Variants in STAC observed in about 807,000 individuals in gnomAD.
STAC encodes the protein SH3 and cysteine-rich domain-containing protein.
In STAC, 43 loss-of-function variants were observed where a neutral mutation model predicts 48.8. That is an observed-to-expected ratio of 0.88 (90% CI 0.69 to 1.14). The LOEUF (loss-of-function observed/expected upper bound fraction) is 1.14, where lower values mean the gene tolerates loss of function less well. STAC is among the 50% of genes most tolerant of loss of function. The pLI, the probability that STAC is intolerant of heterozygous loss-of-function variation, is 0.00. For missense variants in STAC, 497 were observed against 504.0 expected (o/e 0.99, Z 0.13); for synonymous variants, 193 against 179.5 (o/e 1.07, Z -0.60).
chr3:36,418,652 A>ATATATTTTTTTTTTTTTTTTTTTTTTTTT (rs1205909029), intron 1 of STAC, among the ~76,000 whole-genome samples: 1 of 149,402 alleles, frequency 6.7e-6, no homozygotes, highest in Non-Finnish European at 1.5e-5. Context: ...TTGTTCATAT[A>ATATATTTTTTTTTTTTTTTTTTTTTTTTT]TTTTATACTT....
At position 36,493,966 on chromosome 3, in the gene STAC, C is replaced by T. The variant is rs1312010515; in HGVS notation, c.766+737C>T. On this transcript the variant is annotated intron_variant, in intron 6 of 10. Transcript: ENST00000273183. ...GAGATCGAGACCATCCTGGCTAACA[C>T]GGTGAAACCCCGTCTCTACTAAAAA... 2.0e-5 allele frequency among the ~76,000 whole-genome samples: 3 copies of T among 151,094 alleles called. 1 individual carries two copies. Among genetic ancestry groups the T allele is most frequent in the Non-Finnish European group, 4.4e-5 (3 of 67,766 alleles).
chr3:36,457,583 C>G (rs1350643120), intron 2 of STAC, among the ~76,000 whole-genome samples: 1 of 152,136 alleles, frequency 6.6e-6, no homozygotes, highest in African/African-American at 2.4e-5. Context: ...AATTCTTCAG[C>G]CTTGAGCTAG....
chr3:36,456,274 G>A (rs1038951816), intron 2 of STAC, among the ~76,000 whole-genome samples: 3 of 152,156 alleles, frequency 2.0e-5, no homozygotes, highest in Admixed American at 6.5e-5. Context: ...GACGATGAAC[G>A]AGCCTGACTC....
intron 10 of STAC, among the ~76,000 whole-genome samples, chr3:36,534,966 T>C (rs1699164727): frequency 6.6e-6 from 1 of 152,222 alleles, no homozygotes; most frequent in Admixed American, 6.5e-5. Context: ...GCCTCTTCAT[T>C]TTTAAATTTT....
chr3:36,417,571 T>C (rs763251109), intron 1 of STAC, among the ~76,000 whole-genome samples: 27 of 152,214 alleles, frequency 1.8e-4, no homozygotes, highest in Non-Finnish European at 3.2e-4. Context: ...CCACAGAATA[T>C]AATTGAAAAA....
Position 36,419,202 on chromosome 3 carries a change from A to G in STAC, c.112-24162A>G, listed in dbSNP as rs531504484. Among the ~76,000 whole-genome samples the G allele has an allele frequency of 7.9e-5, 12 of 152,274 alleles. No individual in the cohort carries two copies. The East Asian group carries it at 1.3e-3, about 17-fold the overall frequency. ...CTTCTTTTAACTTAAATTCAATTCT[A>G]TCTAATATTAATACTGCAAAGCCCT... On this transcript the variant is annotated intron_variant, in intron 1 of 10. Coordinates refer to ENST00000273183, the MANE Select transcript of STAC (RefSeq NM_003149.3).
At chr3:36,384,950 G>A (rs997019300) in intron 1 of STAC, among the ~76,000 whole-genome samples, 1 of 152,124 alleles carries the variant, frequency 6.6e-6, no homozygotes, top group Admixed American at 6.5e-5. Context: ...ATACATATAT[G>A]TGAAGCTGTT....
At chr3:36,462,393 G>A (rs1329978247) in intron 2 of STAC, among the ~76,000 whole-genome samples, 2 of 152,066 alleles carry the variant, frequency 1.3e-5, no homozygotes, top group African/African-American at 2.4e-5. Flanking sequence ...AGTAGGTCTG[G>A]AGTTTGAGAG....
intron 2 of STAC, among the ~76,000 whole-genome samples, chr3:36,467,460 A>T (rs1697210506): frequency 6.6e-6 from 1 of 152,096 alleles, no homozygotes; most frequent in Non-Finnish European, 1.5e-5. Context: ...TCAGCTATGA[A>T]TCTGTGCGGT....
At chr3:36,410,421 A>G (rs189285324) in intron 1 of STAC, among the ~76,000 whole-genome samples, 3 of 152,290 alleles carry the variant, frequency 2.0e-5, no homozygotes, top group Admixed American at 2.0e-4. Flanking sequence ...TCTTTAAATT[A>G]TCTCAACAGC....
At chr3:36,415,860 C>T (rs1700307700) in intron 1 of STAC, among the ~76,000 whole-genome samples, 2 of 152,330 alleles carry the variant, frequency 1.3e-5, no homozygotes, top group East Asian at 3.9e-4. Context: ...ATTCTACATG[C>T]ACTCACCCAT....
chr3:36,489,161 C>T (rs1441517029), intron 5 of STAC, among the ~76,000 whole-genome samples: 1 of 152,170 alleles, frequency 6.6e-6, no homozygotes, highest in East Asian at 1.9e-4. Flanking sequence ...TTGTAATCAT[C>T]TGCTTTTGTG....
chr3:36,529,288 T>C (rs17035226), intron 10 of STAC: 2,800 of 183,408 alleles, frequency 0.015, 83 homozygotes, highest in African/African-American at 0.061. Context: ...CTTCTCTCAT[T>C]TGGGCTCTGA....
chr3:36,511,146 T>C (rs1698528839), intron 8 of STAC, among the ~76,000 whole-genome samples: 1 of 151,874 alleles, frequency 6.6e-6, no homozygotes, highest in African/African-American at 2.4e-5. Context: ...GTTCCTCGTG[T>C]TTCAGGGGTT....
intron 1 of STAC, among the ~76,000 whole-genome samples, chr3:36,427,504 G>A (rs1158269607): frequency 6.6e-6 from 1 of 152,034 alleles, no homozygotes; most frequent in Non-Finnish European, 1.5e-5. Flanking sequence ...TGTAAGATAG[G>A]GACATTTTCC....
At chr3:36,523,651 T>C (rs2125727749) in intron 8 of STAC, among the ~76,000 whole-genome samples, 1 of 152,260 alleles carries the variant, frequency 6.6e-6, no homozygotes, top group East Asian at 1.9e-4. Flanking sequence ...GCCTGTAGTG[T>C]GATAACCTGA....
chr3:36,432,992 C>T (rs1700742026), intron 1 of STAC, among the ~76,000 whole-genome samples: 1 of 152,050 alleles, frequency 6.6e-6, no homozygotes, highest in African/African-American at 2.4e-5. Flanking sequence ...TACTATGTAC[C>T]AGTCACTGTG....
rs377285019 is a variant in STAC at position 36,443,341 on chromosome 3, A to G, written c.112-23A>G. 9 of 1,613,458 alleles carry G rather than the reference A, an allele frequency of 5.6e-6. No individual in the cohort carries two copies. In the African/African-American group the frequency reaches 1.2e-4, roughly 22 times the overall value. On this transcript the variant is annotated intron_variant, in intron 1 of 10. Transcript: ENST00000273183. The surrounding 1 kb of genome is among the most constrained non-coding windows in gnomAD (Gnocchi z 4.2). Reference sequence around the variant, plus strand: ...GCTTGATCCATTGATCGTAAGAGAGACTGTTCTGTCATTGCATTGCAGCTC... The same window carrying G: ...GCTTGATCCATTGATCGTAAGAGAGGCTGTTCTGTCATTGCATTGCAGCTC...
intron 2 of STAC, among the ~76,000 whole-genome samples, chr3:36,477,682 G>C (rs1697528988): frequency 6.6e-6 from 1 of 152,090 alleles, no homozygotes; most frequent in African/African-American, 2.4e-5. Context: ...CTCCTAATCA[G>C]TGTTGTATTG....
Sources: allele counts gnomAD v4.1 joint callset (sites outside exome capture counted in the v4.1 genomes callset), GRCh38; gene constraint gnomAD v4.1.1; non-coding constraint Gnocchi (gnomAD v3.1); transcripts MANE v1.5; gene names NCBI Gene and HGNC (gene_info 2026-07-23, HGNC 2026-07-21).